Variants in ITFG2 observed in about 807,000 individuals in gnomAD.
ITFG2 encodes integrin alpha FG-GAP repeat containing 2, also known as KICSTOR complex protein ITFG2.
ITFG2 carries 36 observed loss-of-function variants against 54.4 expected under a neutral mutation model. The observed-to-expected ratio is 0.66, with a 90% CI of 0.51 to 0.87. The LOEUF (loss-of-function observed/expected upper bound fraction) is 0.87, where lower values mean the gene tolerates loss of function less well. Ranked by LOEUF, ITFG2 falls within the 40% of genes least tolerant of loss-of-function variation. ITFG2 has a pLI of 0.00. For synonymous variants in ITFG2, 211 were observed against 225.4 expected (o/e 0.94, Z 0.57); for missense variants, 524 against 576.7 (o/e 0.91, Z 0.94).
chr12:2,847,730 A>T (rs1444979126), intron 2 of ITFG2, among the ~76,000 whole-genome samples: 1 of 151,448 alleles, frequency 6.6e-6, no homozygotes, highest in African/African-American at 2.4e-5. Context: ...CAAGCCCCTG[A>T]TATCTTCTAT....
At position 2,820,897 on chromosome 12, in the gene ITFG2, G is replaced by A. The variant is rs577942766; in HGVS notation, c.695+25G>A. On this transcript the variant is annotated intron_variant, in intron 6 of 11. Coordinates refer to ENST00000228799, the MANE Select transcript of ITFG2 (RefSeq NM_018463.4). ...GGTAAGGGGGTACAGGCCAGTGGAT[G>A]GTGTGGGGGTGCATGGAAGCAGGAT... The A allele has an allele frequency of 9.3e-6, 15 of 1,609,894 alleles. No individual in the cohort carries two copies. In the South Asian group the frequency reaches 1.6e-4, roughly 18 times the overall value.
intron 2 of ITFG2, among the ~76,000 whole-genome samples, chr12:2,856,460 G>A (rs1264761607): frequency 5.3e-5 from 8 of 152,162 alleles, no homozygotes; most frequent in Admixed American, 5.2e-4. Context: ...CCACCTCCCG[G>A]GTTCAAGTGA....
At chr12:2,838,041 T>C (rs2098032747) in intron 1 of ITFG2, among the ~76,000 whole-genome samples, 1 of 152,150 alleles carries the variant, frequency 6.6e-6, no homozygotes, top group African/African-American at 2.4e-5. Flanking sequence ...CCGAGCTTCA[T>C]TTAGACTTAG....
chr12:2,859,373 C>G (rs2098103653), intron 3 of ITFG2: 1 of 1,613,912 alleles, frequency 6.2e-7, no homozygotes, highest in African/African-American at 1.3e-5. Flanking sequence ...GGGACCTAAG[C>G]CCACTGTAGG....
rs1461323691 is a variant in ITFG2 at position 2,820,217 on chromosome 12, G to A, written c.538G>A (p.Glu180Lys). Residue 180 changes from glutamate to lysine, a missense_variant, in exon 5 of 12, where the codon GAG (glutamate) becomes AAG (lysine). Coordinates refer to ENST00000228799, the MANE Select transcript of ITFG2 (RefSeq NM_018463.4). ...QLVSLKKWMLEGQVDSLSVTL... is the reference protein window; with the variant it reads ...QLVSLKKWMLKGQVDSLSVTL... ...GGTGTCCCTCAAGAAATGGATGCTG[G>A]AGGGTCAGGTAAGAAGCTGACTCTG... 4.4e-6 allele frequency: 7 copies of A among 1,602,420 alleles called. No individual in the cohort carries two copies. In the South Asian group the frequency reaches 6.7e-5, roughly 15 times the overall value.
rs762908165 is a variant in ITFG2, at chr12:2,817,912, A to AGG, written c.196_197insGG (p.Thr66ArgfsTer20). On this transcript the variant is annotated frameshift_variant, in exon 3 of 12. Coordinates refer to ENST00000228799, the MANE Select transcript of ITFG2 (RefSeq NM_018463.4). LOFTEE classifies it high-confidence loss of function. Reference sequence around the variant, plus strand: ...AGCCTCCCTTTCTCTCTTACAGCTGACTTGCGTTGGGGTTGGAGACGTGTG... The same window carrying AGG: ...AGCCTCCCTTTCTCTCTTACAGCTGAGGCTTGCGTTGGGGTTGGAGACGTGTG... 1 of 1,613,668 alleles carries AGG rather than the reference A, an allele frequency of 6.2e-7. No homozygotes were observed. The highest frequency in any genetic ancestry group is 1.1e-5 in the South Asian group (1 of 91,052).
intron 2 of ITFG2, among the ~76,000 whole-genome samples, chr12:2,851,471 T>G (rs1283463835): frequency 6.6e-6 from 1 of 151,928 alleles, no homozygotes; most frequent in South Asian, 2.1e-4. Context: ...GCCTCCCGAG[T>G]AGCTGGGATT....
chr12:2,856,240 C>A (rs1332913140), intron 2 of ITFG2, among the ~76,000 whole-genome samples: 3 of 152,132 alleles, frequency 2.0e-5, no homozygotes, highest in Non-Finnish European at 4.4e-5. Flanking sequence ...GGACTTAAGC[C>A]CTCTGTCTGT....
chr12:2,816,628 C>T (rs1333916441), intron 1 of ITFG2, among the ~76,000 whole-genome samples: 2 of 140,568 alleles, frequency 1.4e-5, no homozygotes, highest in Admixed American at 7.2e-5. Flanking sequence ...TGCGCCTGGC[C>T]TTTTTTTCTT....
chr12:2,829,315 G>A (rs1256733857), downstream of ITFG2, among the ~76,000 whole-genome samples: 3 of 152,062 alleles, frequency 2.0e-5, no homozygotes, highest in Non-Finnish European at 4.4e-5. Flanking sequence ...TTTGATATAC[G>A]CTTGGATATA....
Position 2,823,933 on chromosome 12 carries a change from G to C in ITFG2, c.1230G>C (p.Glu410Asp). Reference sequence around the variant, plus strand: ...CGGAGTACCACAGCCTGCTGCAGGAGCTGGGCGTGGGTGAGTCCCAGAAAA... The same window carrying C: ...CGGAGTACCACAGCCTGCTGCAGGACCTGGGCGTGGGTGAGTCCCAGAAAA... Reference protein sequence around the residue: ...TKPEYHSLLQELGVDPDDLPV... With the variant: ...TKPEYHSLLQDLGVDPDDLPV... The change falls in exon 11 of 12, where the codon GAG becomes GAC. Residue 410 changes from glutamate to aspartate, a missense_variant. Coordinates refer to ENST00000228799, the MANE Select transcript of ITFG2 (RefSeq NM_018463.4). 1.2e-6 allele frequency: 2 copies of C among 1,613,086 alleles called. No individual in the cohort carries two copies. Among genetic ancestry groups the C allele is most frequent in the Non-Finnish European group, 8.5e-7 (1 of 1,179,480 alleles).
chr12:2,839,040 C>G (rs1228266535), intron 1 of ITFG2, among the ~76,000 whole-genome samples: 1 of 151,922 alleles, frequency 6.6e-6, no homozygotes, highest in Non-Finnish European at 1.5e-5. Context: ...GCCTGTAATC[C>G]CAGCACTTTG....
At chr12:2,858,897 C>A (rs751169233) in intron 3 of ITFG2, 2 of 1,613,842 alleles carry the variant, frequency 1.2e-6, no homozygotes, top group Admixed American at 3.3e-5. Flanking sequence ...GGGTTCTGAA[C>A]TGAGGAGCCT....
rs1439772523 is a variant in ITFG2, at chr12:2,823,903, C to G, written c.1200C>G (p.Thr400=). 2 of 1,613,262 alleles carry G rather than the reference C, an allele frequency of 1.2e-6. No homozygotes were observed. The highest frequency in any genetic ancestry group is 1.7e-6 in the Non-Finnish European group (2 of 1,179,652). The change falls in exon 11 of 12, where the codon ACC becomes ACG. Residue 400 remains threonine, a synonymous_variant. Transcript: ENST00000228799. ...CCAATCTGGTGAAACTGCTGGAGAC[C>G]AAGCCGGAGTACCACAGCCTGCTGC... ...ESTNLVKLLE[T]KPEYHSLLQE...
chr12:2,859,229 A>G, intron 3 of ITFG2: 2 of 1,613,622 alleles, frequency 1.2e-6, no homozygotes, highest in Non-Finnish European at 1.7e-6. Flanking sequence ...AGCGGGAAGT[A>G]CTGGGCCCCT....
At position 2,824,082 on chromosome 12, in the gene ITFG2, G is replaced by C; in HGVS notation, c.1241-8G>C. 3.1e-6 allele frequency: 5 copies of C among 1,613,992 alleles called. No homozygotes were observed. Among genetic ancestry groups the C allele is most frequent in the Non-Finnish European group, 3.4e-6 (4 of 1,180,012 alleles). On this transcript the variant is annotated splice_polypyrimidine_tract_variant and splice_region_variant and intron_variant, in intron 11 of 11. Transcript: ENST00000228799. ...ACAGCCTCTTACCCACCCCTTCTTG[G>C]CTCTCAGATCCTGACGACCTCCCTG... is the stretch of plus-strand genomic sequence containing the variant.
chr12:2,858,709 G>A (rs2098098237), intron 3 of ITFG2: 1 of 1,614,080 alleles, frequency 6.2e-7, no homozygotes, highest in African/African-American at 1.3e-5. Flanking sequence ...TCCAGGCCAG[G>A]AAAGCTGATG....
chr12:2,832,602 A>T (rs1022885991), upstream of ITFG2, among the ~76,000 whole-genome samples: 8 of 151,766 alleles, frequency 5.3e-5, no homozygotes, highest in South Asian at 2.1e-4. Context: ...TCCTCTCTCC[A>T]TACACGCCAA....
chr12:2,850,178 GA>G (rs2098065454), intron 2 of ITFG2, among the ~76,000 whole-genome samples: 1 of 151,960 alleles, frequency 6.6e-6, no homozygotes. Flanking sequence ...CTCAGCATTT[GA>G]AAAAAGAGCC....
Sources: allele counts gnomAD v4.1 joint callset (sites outside exome capture counted in the v4.1 genomes callset), GRCh38; gene constraint gnomAD v4.1.1; transcripts MANE v1.5; gene names NCBI Gene and HGNC (gene_info 2026-07-23, HGNC 2026-07-21).